Variants in EVC2 observed in about 807,000 individuals in gnomAD.
EVC2 encodes the protein EvC ciliary complex subunit 2, also known as limbin.
EVC2 carries 148 observed loss-of-function variants against 149.3 expected under a neutral mutation model. That is an observed-to-expected ratio of 0.99 (90% CI 0.87 to 1.14). The LOEUF (loss-of-function observed/expected upper bound fraction) is 1.14, where lower values mean the gene tolerates loss of function less well. Ranked by LOEUF, EVC2 falls within the 50% of genes most tolerant of loss-of-function variation. The probability of loss-of-function intolerance (pLI) is 0.00; values close to 1 mark genes in which losing one functional copy is unlikely to be tolerated. For synonymous variants in EVC2, 776 were observed against 649.9 expected (o/e 1.19, Z -2.95); for missense variants, 1,854 against 1,627.3 (o/e 1.14, Z -2.40).
intron 14 of EVC2, among the ~76,000 whole-genome samples, chr4:5,619,809 G>A (rs564257870): frequency 1.1e-3 from 173 of 152,300 alleles, no homozygotes; most frequent in Middle Eastern, 0.01. Context: ...CCCACAAGAT[G>A]TAAGAGGAAA....
intron 12 of EVC2, among the ~76,000 whole-genome samples, chr4:5,627,043 G>C (rs1385549613): frequency 6.6e-6 from 1 of 152,148 alleles, no homozygotes; most frequent in Non-Finnish European, 1.5e-5. Context: ...GCTGGAAACA[G>C]CAAACGATGC....
intron 21 of EVC2, among the ~76,000 whole-genome samples, chr4:5,547,627 G>A (rs545512649): frequency 1.3e-5 from 2 of 152,166 alleles, no homozygotes; most frequent in African/African-American, 4.8e-5. Context: ...GCTGCAGAGA[G>A]GAGCTACCCA....
intron 21 of EVC2, among the ~76,000 whole-genome samples, chr4:5,556,115 G>A (rs1206175070): frequency 1.4e-5 from 2 of 142,084 alleles, no homozygotes; most frequent in African/African-American, 5.3e-5. Flanking sequence ...GGAGCCAGAG[G>A]TTGCAGTGAG....
intron 16 of EVC2, among the ~76,000 whole-genome samples, chr4:5,601,126 C>A (rs766976104): frequency 3.3e-5 from 5 of 152,068 alleles, no homozygotes; most frequent in Non-Finnish European, 7.4e-5. Context: ...CTACAGAGTG[C>A]GCAGCCCAGC....
chr4:5,650,638 T>TATATATATATATAGAGAGAGAG (rs1162935817), intron 9 of EVC2, among the ~76,000 whole-genome samples: 1 of 45,090 alleles, frequency 2.2e-5, no homozygotes, highest in African/African-American at 8.9e-5. Flanking sequence ...TATATATATA[T>TATATATATATATAGAGAGAGAG]AGAGAGAGAG....
At position 5,660,288 on chromosome 4, in the gene EVC2, T is replaced by C. The variant is rs555772467; in HGVS notation, c.1145+2819A>G. ...GCACTTACGAGGCTCCAAGCCTGGC[T>C]CTTCACCAGGCACTCTGTGAGGAAG... On this transcript the variant is annotated intron_variant, in intron 9 of 21. Coordinates refer to ENST00000344408, the MANE Select transcript of EVC2 (RefSeq NM_147127.5). 2.6e-5 allele frequency among the ~76,000 whole-genome samples: 4 copies of C among 152,302 alleles called. No homozygotes were observed. The South Asian group carries it at 8.3e-4, about 32-fold the overall frequency.
At chr4:5,705,283 G>C (rs1296652501) in intron 1 of EVC2, among the ~76,000 whole-genome samples, 2 of 152,174 alleles carry the variant, frequency 1.3e-5, no homozygotes, top group Non-Finnish European at 2.9e-5. Flanking sequence ...CTTTCAAAGG[G>C]TCTGGGTGGT....
chr4:5,640,527 CG>C lies in EVC2; in HGVS notation c.1456del (p.Arg486ValfsTer8). 6.2e-7 allele frequency: 1 copy of C among 1,614,110 alleles called. No homozygotes were observed. The highest frequency in any genetic ancestry group is 8.5e-7 in the Non-Finnish European group (1 of 1,180,030). ...GACCTGTCTTACCCTCTCACCAGCA[CG>C]TTTCAGCAACTCTTCTGCTTCCTCC... ...AMEEAEELLK[R>X]AGERSAVECS... On this transcript the variant is annotated frameshift_variant, in exon 10 of 22. Transcript: ENST00000344408. LOFTEE classifies it high-confidence loss of function. The surrounding 1 kb of genome is among the most constrained non-coding windows in gnomAD (Gnocchi z 4.6).
intron 7 of EVC2, among the ~76,000 whole-genome samples, chr4:5,680,323 G>C (rs1341917418): frequency 2.0e-5 from 3 of 152,322 alleles, no homozygotes; most frequent in South Asian, 4.1e-4. Context: ...GTATGTGCTA[G>C]ACTTGTTATG....
chr4:5,621,836 C>T (rs1373253097), intron 14 of EVC2, among the ~76,000 whole-genome samples: 2 of 152,090 alleles, frequency 1.3e-5, no homozygotes, highest in Admixed American at 1.3e-4. Flanking sequence ...AGGGTGAGAC[C>T]CCGTCTCTAC....
At chr4:5,684,727 G>A (rs990815296) in intron 6 of EVC2, among the ~76,000 whole-genome samples, 5 of 152,184 alleles carry the variant, frequency 3.3e-5, no homozygotes, top group Non-Finnish European at 7.3e-5. Context: ...GTTAAAGTCT[G>A]AAGTCCAGTG....
intron 9 of EVC2, among the ~76,000 whole-genome samples, chr4:5,643,242 A>T (rs1421642776): frequency 6.6e-6 from 1 of 152,326 alleles, no homozygotes; most frequent in East Asian, 1.9e-4. Flanking sequence ...AGAGGGATGA[A>T]ATTCCCACGT....
At chr4:5,704,833 A>T (rs959699424) in intron 1 of EVC2, among the ~76,000 whole-genome samples, 2 of 151,904 alleles carry the variant, frequency 1.3e-5, no homozygotes, top group Non-Finnish European at 2.9e-5. Flanking sequence ...AGCCTCCTGA[A>T]AACCTGGGAA....
intron 15 of EVC2, among the ~76,000 whole-genome samples, chr4:5,616,151 C>T (rs779947041): frequency 1.3e-5 from 2 of 152,096 alleles, no homozygotes; most frequent in South Asian, 2.1e-4. Context: ...AGGATTTACA[C>T]CATGGAAATG....
At chr4:5,678,146 C>T (rs768131694) in intron 7 of EVC2, among the ~76,000 whole-genome samples, 9 of 152,314 alleles carry the variant, frequency 5.9e-5, no homozygotes, top group Middle Eastern at 3.4e-3. Context: ...CCACTATTTT[C>T]TGGTAAGAGT....
Position 5,679,768 on chromosome 4 carries a change from C to T in EVC2, c.870+1492G>A, listed in dbSNP as rs978401543. On this transcript the variant is annotated intron_variant, in intron 7 of 21. Coordinates refer to ENST00000344408, the MANE Select transcript of EVC2 (RefSeq NM_147127.5). This position sits in a 1 kb window ranked among gnomAD's most constrained non-coding sequence, Gnocchi z 5.1. The stretch of plus-strand genomic sequence containing the variant: ...CCCACATGTAATTGCCCTTGCCCCC[C>T]ATCCCCCGACAGGTCCCAGTGTGTG... Among the ~76,000 whole-genome samples the T allele has an allele frequency of 1.3e-5, 2 of 152,136 alleles. No homozygotes were observed. Among genetic ancestry groups the T allele is most frequent in the African/African-American group, 4.8e-5 (2 of 41,422 alleles).
At position 5,618,761 on chromosome 4, in the gene EVC2, A is replaced by T. The variant is rs1715468933; in HGVS notation, c.2502-79T>A. ...GCTGGGGTGAAGAAGCCAGAGATGC[A>T]AAGCTCATTCCTCATATCCATGTCT... On this transcript the variant is annotated intron_variant, in intron 14 of 21. Coordinates refer to ENST00000344408, the MANE Select transcript of EVC2 (RefSeq NM_147127.5). This position sits in a 1 kb window ranked among gnomAD's most constrained non-coding sequence, Gnocchi z 4.4. 7 of 1,329,442 alleles carry T rather than the reference A, an allele frequency of 5.3e-6. No individual in the cohort carries two copies. The East Asian group carries it at 1.8e-4, about 33-fold the overall frequency. The allele number at this position is 1,329,442 out of a possible 1,614,324, so 82.4% of individuals were successfully genotyped here.
In EVC2 at chr4:5,618,698, G is replaced by C; in HGVS notation, c.2502-16C>G. ...GCAGAGCTTCCTGGGAGGAAGAACA[G>C]AGACACACTCTTAACACAGAGAAAG... On this transcript the variant is annotated splice_polypyrimidine_tract_variant and intron_variant, in intron 14 of 21. Transcript: ENST00000344408. The surrounding 1 kb of genome is among the most constrained non-coding windows in gnomAD (Gnocchi z 4.4). The C allele has an allele frequency of 6.4e-7, 1 of 1,574,542 alleles. No individual in the cohort carries two copies. The highest frequency in any genetic ancestry group is 8.6e-7 in the Non-Finnish European group (1 of 1,159,342).
intron 18 of EVC2, among the ~76,000 whole-genome samples, chr4:5,575,185 T>C (rs993391634): frequency 2.0e-5 from 3 of 152,180 alleles, no homozygotes; most frequent in Non-Finnish European, 4.4e-5. Context: ...CCTTTTCACA[T>C]GAGGCTTCCT....
Sources: gnomAD v4.1 joint callset for allele counts (sites outside exome capture counted in the v4.1 genomes callset) on GRCh38, gnomAD v4.1.1 for gene constraint, Gnocchi (gnomAD v3.1) non-coding constraint, MANE v1.5 for transcripts, NCBI Gene and HGNC (gene_info 2026-07-23, HGNC 2026-07-21) for gene names.